The following POLR2M variants were observed in gnomAD, a reference collection of about 807,000 sequenced individuals.
The protein encoded by POLR2M is RNA polymerase II subunit M, also known as protein GRINL1A.
POLR2M carries 30 observed loss-of-function variants against 34.6 expected under a neutral mutation model. That is an observed-to-expected ratio of 0.87 (90% CI 0.65 to 1.18). The LOEUF is 1.18. POLR2M is among the 50% of genes most tolerant of loss of function. POLR2M has a pLI of 0.00. For missense variants in POLR2M, 432 were observed against 448.7 expected (o/e 0.96, Z 0.34); for synonymous variants, 150 against 166.7 (o/e 0.90, Z 0.77).
Position 57,716,478 on chromosome 15 carries a change from A to T in POLR2M, c.*1799A>T, listed in dbSNP as rs530090730. ...TTTATATATATTACTCACTGCAGAG[A>T]TCATGTTCATTTACATTCCCATTAG... On this transcript the variant is annotated 3_prime_UTR_variant, in exon 4 of 4. Transcript: ENST00000299638. 1 of 152,406 alleles carries T rather than the reference A, an allele frequency of 6.6e-6. No homozygotes were observed. The highest frequency in any genetic ancestry group is 1.9e-4 in the East Asian group (1 of 5,194). The allele number at this position is 152,406 out of a possible 1,614,324, so 9.4% of individuals were successfully genotyped here. A position where few individuals can be genotyped will look rare whatever the true frequency, so the allele number is the denominator to read the frequency against.
intron 2 of POLR2M, 78 bp downstream of exon 2, chr15:57,709,436 G>A (rs1021476487): frequency 1.3e-6 from 2 of 1,507,846 alleles, no homozygotes; most frequent in African/African-American, 2.8e-5. Flanking sequence ...AACTGGGTGT[G>A]GTGGTGCTTG....
chr15:57,709,294 A>C lies in POLR2M; in HGVS notation c.694A>C (p.Met232Leu). The C allele has an allele frequency of 6.2e-7, 1 of 1,614,190 alleles. No homozygotes were observed. The highest frequency in any genetic ancestry group is 8.5e-7 in the Non-Finnish European group (1 of 1,180,028). Residue 232 changes from methionine to leucine, a missense_variant, in exon 2 of 4, where the codon ATG (methionine) becomes CTG (leucine). Transcript: ENST00000299638. Reference sequence around the variant, plus strand: ...TGGGACTGAGAAGAAACCTCATTACATGGAAGTGCTAGAAATGCGAGCCAA... The same window carrying C: ...TGGGACTGAGAAGAAACCTCATTACCTGGAAGTGCTAGAAATGCGAGCCAA... Reference protein sequence around the residue: ...SSGTEKKPHYMEVLEMRAKNP... With the variant: ...SSGTEKKPHYLEVLEMRAKNP...
intron 3 of POLR2M, among the ~76,000 whole-genome samples, chr15:57,712,670 C>T (rs145858551): frequency 2.0e-5 from 3 of 152,296 alleles, no homozygotes; most frequent in African/African-American, 4.8e-5. Flanking sequence ...GACAGTGAGA[C>T]ACTGCTTTAG....
At chr15:57,711,527 A>G (rs1182209588) in intron 2 of POLR2M, among the ~76,000 whole-genome samples, 2 of 152,128 alleles carry the variant, frequency 1.3e-5, no homozygotes, top group South Asian at 2.1e-4. Context: ...CCTTATTTAC[A>G]TGGGTAAGCA....
chr15:57,707,667 A>G (rs2040549581), intron 1 of POLR2M: 1 of 377,710 alleles, frequency 2.6e-6, no homozygotes, highest in South Asian at 2.0e-5. Flanking sequence ...TATATGGAAG[A>G]CCACTAGCAA....
chr15:57,707,589 G>C, intron 1 of POLR2M: 1 of 454,044 alleles, frequency 2.2e-6, no homozygotes, highest in East Asian at 7.0e-5. Context: ...GCTAGGAAGG[G>C]ATTGGGAGAA....
chr15:57,712,764 A>G (rs1489680051), intron 3 of POLR2M, among the ~76,000 whole-genome samples: 1 of 152,166 alleles, frequency 6.6e-6, no homozygotes, highest in Non-Finnish European at 1.5e-5. Flanking sequence ...CTTTGTTTCC[A>G]TGTGTTTTGC....
intron 3 of POLR2M, 48 bp from the exon 4 acceptor site, chr15:57,714,488 G>A (rs762888383): frequency 1.9e-6 from 3 of 1,599,286 alleles, no homozygotes; most frequent in Non-Finnish European, 2.6e-6. Flanking sequence ...AAAATTGTAA[G>A]GAAGAGATGT....
intron 1 of POLR2M, chr15:57,707,511 T>G: frequency 2.1e-6 from 1 of 486,478 alleles, no homozygotes. Context: ...TTTGAAGGAA[T>G]AAAAAGCAGA....
intron 3 of POLR2M, among the ~76,000 whole-genome samples, chr15:57,712,548 A>G (rs16977643): frequency 0.021 from 3,197 of 152,248 alleles, 113 homozygotes; most frequent in African/African-American, 0.074. Flanking sequence ...TGGCGGACTC[A>G]AACCCAGACC....
In POLR2M at chr15:57,716,835, G is replaced by T. The variant is rs2140850858; in HGVS notation, c.*2156G>T. The T allele has an allele frequency of 6.6e-6, 1 of 152,188 alleles. No homozygotes were observed. Among genetic ancestry groups the T allele is most frequent in the African/African-American group, 2.4e-5 (1 of 41,536 alleles). The allele number at this position is 152,188 out of a possible 1,614,324, so 9.4% of individuals were successfully genotyped here. The stretch of plus-strand genomic sequence containing the variant: ...TCAGTATAGAAGTTGTTTTCTTTAG[G>T]AGTCTACCTTTGTGTATGTGCTTGA... On this transcript the variant is annotated 3_prime_UTR_variant, in exon 4 of 4. Coordinates refer to ENST00000299638, the MANE Select transcript of POLR2M (RefSeq NM_015532.5).
Position 57,717,534 on chromosome 15 carries a change from A to G in POLR2M, c.*2855A>G, listed in dbSNP as rs1201535294. The G allele has an allele frequency of 3.9e-5, 6 of 152,236 alleles. No individual in the cohort carries two copies. Among genetic ancestry groups the G allele is most frequent in the Non-Finnish European group, 8.8e-5 (6 of 68,040 alleles). 9.4% of individuals were successfully genotyped at this position (152,236 alleles called of 1,614,324 possible). On this transcript the variant is annotated 3_prime_UTR_variant, in exon 4 of 4. Coordinates refer to ENST00000299638, the MANE Select transcript of POLR2M (RefSeq NM_015532.5). Reference sequence around the variant, plus strand: ...TTTACATTTTGCTCACTTTTGACTTATATAAAAATAGAATAATACTATATG... The same window carrying G: ...TTTACATTTTGCTCACTTTTGACTTGTATAAAAATAGAATAATACTATATG...
chr15:57,714,709 A>C lies in POLR2M; in HGVS notation c.*30A>C. The C allele has an allele frequency of 6.2e-7, 1 of 1,604,466 alleles. No individual in the cohort carries two copies. Among genetic ancestry groups the C allele is most frequent in the South Asian group, 1.1e-5 (1 of 90,322 alleles). On this transcript the variant is annotated 3_prime_UTR_variant, in exon 4 of 4. Coordinates refer to ENST00000299638, the MANE Select transcript of POLR2M (RefSeq NM_015532.5). The stretch of plus-strand genomic sequence containing the variant: ...AATCTCCTAAATCACTGACGTTGAG[A>C]TGTCATCATCTTACATCAGACTTTC...
chr15:57,710,038 G>A (rs2040647997), intron 2 of POLR2M, among the ~76,000 whole-genome samples: 1 of 152,256 alleles, frequency 6.6e-6, no homozygotes, highest in East Asian at 1.9e-4. Flanking sequence ...TAAAAACATG[G>A]CTGTAATGTA....
At chr15:57,707,146 G>T in intron 1 of POLR2M, 191 bp downstream of exon 1, 3 of 1,527,916 alleles carry the variant, frequency 2.0e-6, no homozygotes. Context: ...GGCCAGGCAC[G>T]TATGCCTGCG....
chr15:57,711,866 T>C, intron 2 of POLR2M, 118 bp from the exon 3 acceptor site: 1 of 1,214,816 alleles, frequency 8.2e-7, no homozygotes, highest in African/African-American at 1.5e-5. Flanking sequence ...GGTAAATTAC[T>C]TACTGTTACC....
At chr15:57,711,946 A>G (rs1313998966) in intron 2 of POLR2M, 38 bp from the exon 3 acceptor site, 5 of 1,609,792 alleles carry the variant, frequency 3.1e-6, no homozygotes, top group Non-Finnish European at 4.2e-6. Flanking sequence ...TACAAATAAA[A>G]TAATCTGATT....
Position 57,715,468 on chromosome 15 carries a change from A to C in POLR2M, c.*789A>C, listed in dbSNP as rs1231544863. ...ATGTTACTTCAGGCAAATCTGGTAC[A>C]GGAGAAGCCCAAGCTAACTGAGCTG... On this transcript the variant is annotated 3_prime_UTR_variant, in exon 4 of 4. Coordinates refer to ENST00000299638, the MANE Select transcript of POLR2M (RefSeq NM_015532.5). 2 of 152,166 alleles carry C rather than the reference A, an allele frequency of 1.3e-5. No individual in the cohort carries two copies. Among genetic ancestry groups the C allele is most frequent in the African/African-American group, 4.8e-5 (2 of 41,444 alleles). The allele number at this position is 152,166 out of a possible 1,614,324, so 9.4% of individuals were successfully genotyped here.
At chr15:57,711,462 AGTCT>A (rs778479803) in intron 2 of POLR2M, among the ~76,000 whole-genome samples, 24 of 152,308 alleles carry the variant, frequency 1.6e-4, no homozygotes, top group Non-Finnish European at 3.1e-4. Context: ...AGAAAAGCTG[AGTCT>A]GTCTACCTTC....
Sources: gnomAD v4.1 joint callset for allele counts (sites outside exome capture counted in the v4.1 genomes callset) on GRCh38, gnomAD v4.1.1 for gene constraint, MANE v1.5 for transcripts, NCBI Gene and HGNC (gene_info 2026-07-23, HGNC 2026-07-21) for gene names.